Variants in NSUN6 observed in about 807,000 individuals in gnomAD.
NSUN6 encodes tRNA (cytosine(72)-C(5))-methyltransferase NSUN6.
NSUN6 carries 64 observed loss-of-function variants against 58.0 expected under a neutral mutation model. The ratio of observed to expected loss-of-function variants is 1.10; its 90% CI spans 0.90 to 1.36. The LOEUF (loss-of-function observed/expected upper bound fraction) is 1.36, where lower values mean the gene tolerates loss of function less well. NSUN6 is among the 40% of genes most tolerant of loss of function. The probability of loss-of-function intolerance (pLI) is 0.00; values close to 1 mark genes in which losing one functional copy is unlikely to be tolerated. For missense variants in NSUN6, 701 were observed against 550.1 expected (o/e 1.27, Z -2.74); for synonymous variants, 231 against 193.9 (o/e 1.19, Z -1.59).
chr10:18,591,889 A>G (rs1025559948), intron 7 of NSUN6, among the ~76,000 whole-genome samples: 5 of 152,194 alleles, frequency 3.3e-5, no homozygotes, highest in African/African-American at 1.2e-4. Flanking sequence ...AAGAGAAAGA[A>G]ATAAAGAGTA....
chr10:18,602,349 T>A (rs2057877675), intron 6 of NSUN6, among the ~76,000 whole-genome samples: 1 of 151,376 alleles, frequency 6.6e-6, no homozygotes, highest in African/African-American at 2.4e-5. Flanking sequence ...GTTCATGCCA[T>A]TCTCCTGCCT....
chr10:18,648,381 C>T, intron 2 of NSUN6, 109 bp downstream of exon 2: 1 of 661,910 alleles, frequency 1.5e-6, no homozygotes, highest in Non-Finnish European at 2.6e-6. Flanking sequence ...CCTCAATCTC[C>T]TTATCTGTAA....
intron 1 of NSUN6, among the ~76,000 whole-genome samples, chr10:18,650,508 G>A (rs866754728): frequency 1.3e-5 from 2 of 152,276 alleles, no homozygotes; most frequent in Non-Finnish European, 2.9e-5. Flanking sequence ...GTTAAGCCAC[G>A]TAATTTACAA....
chr10:18,641,040 A>G (rs892369671), intron 3 of NSUN6, among the ~76,000 whole-genome samples: 7 of 152,114 alleles, frequency 4.6e-5, no homozygotes, highest in African/African-American at 1.4e-4. Flanking sequence ...ATTAACTGCA[A>G]AAAAAGTAAT....
intron 5 of NSUN6, among the ~76,000 whole-genome samples, chr10:18,613,855 G>A (rs1453814010): frequency 3.3e-5 from 5 of 152,142 alleles, no homozygotes; most frequent in Non-Finnish European, 5.9e-5. Flanking sequence ...GAACTTTGGA[G>A]TAATGGAGCT....
Position 18,651,242 on chromosome 10 carries a change from G to C in NSUN6, c.-39C>G, listed in dbSNP as rs2131612001. On this transcript the variant is annotated 5_prime_UTR_variant, in exon 1 of 11. Transcript: ENST00000377304. Reference sequence around the variant, plus strand: ...TAGTTCTCCACCAAGAGAAATGCTGGAAAACGGTGTTTTGTTTTTTTTTTT... The same window carrying C: ...TAGTTCTCCACCAAGAGAAATGCTGCAAAACGGTGTTTTGTTTTTTTTTTT... The C allele has an allele frequency of 2.7e-6, 4 of 1,509,186 alleles. No individual in the cohort carries two copies. Among genetic ancestry groups the C allele is most frequent in the East Asian group, 2.5e-5 (1 of 39,532 alleles). The allele number at this position is 1,509,186 out of a possible 1,614,324, so 93.5% of individuals were successfully genotyped here.
chr10:18,657,605 CTTTA>C (rs956354368), upstream of NSUN6, among the ~76,000 whole-genome samples: 2 of 151,774 alleles, frequency 1.3e-5, no homozygotes, highest in Non-Finnish European at 2.9e-5. Context: ...TCTGCATTTT[CTTTA>C]TTTTATTTTT....
intron 10 of NSUN6, among the ~76,000 whole-genome samples, chr10:18,546,385 C>T (rs2054262543): frequency 1.3e-5 from 2 of 152,186 alleles, no homozygotes; most frequent in African/African-American, 4.8e-5. Context: ...TTATCAAACA[C>T]TGTGACATTA....
intron 2 of NSUN6, among the ~76,000 whole-genome samples, chr10:18,647,773 C>T (rs1399979024): frequency 8.0e-6 from 1 of 125,260 alleles, no homozygotes; most frequent in African/African-American, 3.1e-5. Flanking sequence ...CTCATTCCAT[C>T]GCCCAGGCTG....
intron 8 of NSUN6, among the ~76,000 whole-genome samples, chr10:18,565,063 T>C (rs1273404194): frequency 6.7e-6 from 1 of 149,988 alleles, no homozygotes; most frequent in African/African-American, 2.4e-5. Flanking sequence ...CCATGCTCCA[T>C]TCCATTCCTT....
intron 1 of NSUN6, among the ~76,000 whole-genome samples, chr10:18,648,967 C>T (rs958054417): frequency 3.3e-5 from 5 of 152,142 alleles, no homozygotes; most frequent in African/African-American, 9.7e-5. Flanking sequence ...GGAATTCAGT[C>T]TATTTATAAT....
chr10:18,579,309 T>C (rs2056802844), intron 8 of NSUN6, among the ~76,000 whole-genome samples: 1 of 152,152 alleles, frequency 6.6e-6, no homozygotes, highest in Non-Finnish European at 1.5e-5. Context: ...TAGCTGGGAC[T>C]ATAGGCGCCC....
chr10:18,653,321 T>C (rs986949247), upstream of NSUN6: 2 of 983,220 alleles, frequency 2.0e-6, no homozygotes, highest in African/African-American at 3.5e-5. Flanking sequence ...ATAAAGCATT[T>C]GCCAGAAATT....
intron 7 of NSUN6, among the ~76,000 whole-genome samples, chr10:18,593,761 G>A (rs2057468590): frequency 6.6e-6 from 1 of 151,842 alleles, no homozygotes; most frequent in Admixed American, 6.6e-5. Flanking sequence ...AATGCATGTG[G>A]GGCTTAAAAC....
chr10:18,565,945 CTTCCATTCTCCA>C (rs1031670785), intron 8 of NSUN6, among the ~76,000 whole-genome samples: 7 of 146,764 alleles, frequency 4.8e-5, no homozygotes, highest in African/African-American at 1.7e-4. Context: ...CTCCCATTCC[CTTCCATTCTCCA>C]TTCCATTCTC....
chr10:18,571,910 C>G (rs540342257), intron 8 of NSUN6, among the ~76,000 whole-genome samples: 1 of 151,724 alleles, frequency 6.6e-6, no homozygotes, highest in East Asian at 1.9e-4. Flanking sequence ...ATTCCTTTCT[C>G]CATTCCATTC....
At chr10:18,600,942 AT>A (rs1172358005) in intron 6 of NSUN6, among the ~76,000 whole-genome samples, 1,010 of 42,696 alleles carry the variant, frequency 0.024, 23 homozygotes, top group Middle Eastern at 0.048. Context: ...AAAAAAAAAA[AT>A]ATATATATAT....
upstream of NSUN6, chr10:18,652,961 C>A: frequency 1.0e-6 from 1 of 983,200 alleles, no homozygotes; most frequent in Non-Finnish European, 1.2e-6. Context: ...AATTTGGCTT[C>A]TAGAGCCAAT....
At chr10:18,615,969 C>T (rs551444282) in intron 4 of NSUN6, among the ~76,000 whole-genome samples, 1 of 151,064 alleles carries the variant, frequency 6.6e-6, no homozygotes, top group African/African-American at 2.4e-5. Context: ...CAAATACATC[C>T]TTATTTGGAA....
Sources: gnomAD v4.1 joint callset for allele counts (sites outside exome capture counted in the v4.1 genomes callset) on GRCh38, gnomAD v4.1.1 for gene constraint, MANE v1.5 for transcripts, NCBI Gene and HGNC (gene_info 2026-07-23, HGNC 2026-07-21) for gene names.